KCNK13: variants seen among roughly 807,000 people sequenced by gnomAD.
The protein encoded by KCNK13 is potassium channel subfamily K member 13.
A neutral mutation model predicts 23.4 loss-of-function variants in KCNK13; 12 were observed. The observed-to-expected ratio is 0.51, with a 90% CI of 0.33 to 0.83. The LOEUF is 0.83. Ranked by LOEUF, KCNK13 falls within the 40% of genes least tolerant of loss-of-function variation. The pLI, the probability that KCNK13 is intolerant of heterozygous loss-of-function variation, is 0.02. For missense variants in KCNK13, 463 were observed against 556.3 expected, an observed-to-expected ratio of 0.83 and a Z score of 1.69; for synonymous variants, 231 against 229.5, an observed-to-expected ratio of 1.01 and a Z score of -0.06.
At chr14:90,143,167 CTTTCTTTCT>C (rs201713433) in intron 1 of KCNK13, among the ~76,000 whole-genome samples, 676 of 7,864 alleles carry the variant, frequency 0.086, 10 homozygotes, top group East Asian at 0.22. Flanking sequence ...TTCTTTCTTT[CTTTCTTTCT>C]TTTCTTTTCT....
intron 1 of KCNK13, among the ~76,000 whole-genome samples, chr14:90,101,745 G>A (rs1452955253): frequency 1.7e-5 from 2 of 120,810 alleles, no homozygotes; most frequent in African/African-American, 3.1e-5. Context: ...AGCTAAGATC[G>A]TACCACTGCA....
At chr14:90,120,774 C>T (rs1161088141) in intron 1 of KCNK13, among the ~76,000 whole-genome samples, 2 of 152,190 alleles carry the variant, frequency 1.3e-5, no homozygotes, top group African/African-American at 4.8e-5. Flanking sequence ...CATGTCCTCA[C>T]ATTTCAAAAC....
At chr14:90,067,260 C>T (rs1239554601) in intron 1 of KCNK13, among the ~76,000 whole-genome samples, 2 of 151,998 alleles carry the variant, frequency 1.3e-5, no homozygotes, top group Non-Finnish European at 2.9e-5. Flanking sequence ...CAGAGTGAGA[C>T]CATCTCAAGA....
chr14:90,141,801 G>GGGA (rs1555351988), intron 1 of KCNK13, among the ~76,000 whole-genome samples: 1 of 146,088 alleles, frequency 6.8e-6, no homozygotes, highest in Non-Finnish European at 1.5e-5. Context: ...TTTTGGGGGG[G>GGGA]GGGACGGAGC....
intron 1 of KCNK13, among the ~76,000 whole-genome samples, chr14:90,077,663 C>T (rs1889156623): frequency 6.6e-6 from 1 of 152,244 alleles, no homozygotes; most frequent in Admixed American, 6.5e-5. Context: ...TCAGCAGATA[C>T]TATTTCAGCA....
chr14:90,099,790 G>A (rs1384745654), intron 1 of KCNK13, among the ~76,000 whole-genome samples: 1 of 152,156 alleles, frequency 6.6e-6, no homozygotes, highest in African/African-American at 2.4e-5. Flanking sequence ...CGAGGATCTG[G>A]GACCTCTGCT....
At chr14:90,100,347 G>A (rs1179282035) in intron 1 of KCNK13, among the ~76,000 whole-genome samples, 1 of 152,168 alleles carries the variant, frequency 6.6e-6, no homozygotes, top group Non-Finnish European at 1.5e-5. Context: ...CCTCAGCAAT[G>A]CTGGCCCTAA....
At chr14:90,090,237 C>G (rs994697732) in intron 1 of KCNK13, among the ~76,000 whole-genome samples, 1 of 152,266 alleles carries the variant, frequency 6.6e-6, no homozygotes, top group Non-Finnish European at 1.5e-5. Flanking sequence ...AGGGGCAGAG[C>G]TGCCCAAGAC....
At chr14:90,064,398 G>T (rs1050964888) in intron 1 of KCNK13, among the ~76,000 whole-genome samples, 21 of 151,664 alleles carry the variant, frequency 1.4e-4, no homozygotes, top group African/African-American at 5.1e-4. Context: ...CATCCATGTA[G>T]CAGGAACTGA....
chr14:90,085,786 T>G (rs1269011625), intron 1 of KCNK13, among the ~76,000 whole-genome samples: 1 of 97,178 alleles, frequency 1.0e-5, no homozygotes, highest in Non-Finnish European at 2.1e-5. Flanking sequence ...ATATTATATA[T>G]TATATACTTT....
At chr14:90,135,675 G>T (rs554595928) in intron 1 of KCNK13, among the ~76,000 whole-genome samples, 1 of 152,194 alleles carries the variant, frequency 6.6e-6, no homozygotes, top group Admixed American at 6.5e-5. Context: ...TTGTTGGAGA[G>T]AGGTTGGAGG....
intron 1 of KCNK13, among the ~76,000 whole-genome samples, chr14:90,117,376 G>A (rs1293944691): frequency 2.0e-5 from 3 of 152,066 alleles, no homozygotes; most frequent in Non-Finnish European, 4.4e-5. Context: ...GATCACCTGA[G>A]GTCAGGAGTT....
chr14:90,096,257 TA>T (rs1006539219), intron 1 of KCNK13, among the ~76,000 whole-genome samples: 83 of 152,230 alleles, frequency 5.5e-4, no homozygotes, highest in African/African-American at 1.7e-3. Context: ...TGTGGGGCTT[TA>T]AGTCCCAACT....
At chr14:90,115,225 C>T (rs901492801) in intron 1 of KCNK13, among the ~76,000 whole-genome samples, 1 of 152,108 alleles carries the variant, frequency 6.6e-6, no homozygotes, top group African/African-American at 2.4e-5. Context: ...GTAGTTGGAC[C>T]CTACCCCAGA....
intron 1 of KCNK13, among the ~76,000 whole-genome samples, chr14:90,120,087 C>T (rs1364091119): frequency 6.6e-6 from 1 of 152,156 alleles, no homozygotes; most frequent in East Asian, 1.9e-4. Flanking sequence ...CTCAAGTAGG[C>T]CTCAGTGTCT....
intron 1 of KCNK13, among the ~76,000 whole-genome samples, chr14:90,097,841 A>T (rs1205925085): frequency 1.3e-5 from 2 of 152,220 alleles, no homozygotes; most frequent in Admixed American, 1.3e-4. Context: ...AGGGTATAGG[A>T]ACCCCCATGT....
At chr14:90,079,802 G>C (rs954913877) in intron 1 of KCNK13, among the ~76,000 whole-genome samples, 3 of 152,210 alleles carry the variant, frequency 2.0e-5, no homozygotes, top group Non-Finnish European at 4.4e-5. Context: ...GGCTCCTGGA[G>C]CCCCTGAGAA....
At chr14:90,111,239 C>G (rs1250283338) in intron 1 of KCNK13, among the ~76,000 whole-genome samples, 1 of 152,174 alleles carries the variant, frequency 6.6e-6, no homozygotes. Flanking sequence ...AGAAACTGCT[C>G]TGGGGTGTCA....
intron 1 of KCNK13, among the ~76,000 whole-genome samples, chr14:90,142,350 G>A (rs113491480): frequency 0.018 from 2,017 of 111,330 alleles, 43 homozygotes; most frequent in African/African-American, 0.067. Flanking sequence ...ACGGAGTCTC[G>A]GTCTGTCACC....
Sources: gnomAD v4.1 joint callset for allele counts (sites outside exome capture counted in the v4.1 genomes callset) on GRCh38, gnomAD v4.1.1 for gene constraint, MANE v1.5 for transcripts, NCBI Gene and HGNC (gene_info 2026-07-23, HGNC 2026-07-21) for gene names.